Variants in BIVM observed in about 807,000 individuals in gnomAD.
BIVM encodes the protein basic, immunoglobulin-like variable motif containing.
BIVM carries 31 observed loss-of-function variants against 61.4 expected under a neutral mutation model. That is an observed-to-expected ratio of 0.51 (90% CI 0.38 to 0.68). BIVM has a LOEUF of 0.68. BIVM is among the 30% of genes least tolerant of loss of function. BIVM has a pLI of 0.00. For missense variants in BIVM, 526 were observed against 596.0 expected, an observed-to-expected ratio of 0.88 and a Z score of 1.22; for synonymous variants, 189 against 210.7, an observed-to-expected ratio of 0.90 and a Z score of 0.89.
In BIVM at chr13:102,831,534, T is replaced by C. The variant is rs1170977248; in HGVS notation, c.902-31T>C. 8.1e-6 allele frequency: 13 copies of C among 1,613,432 alleles called. No homozygotes were observed. In the East Asian group the frequency reaches 1.8e-4, roughly 22 times the overall value. On this transcript the variant is annotated intron_variant, in intron 7 of 10. Transcript: ENST00000257336. ...AAGCATGGACACTGCTTTATGGGCT[T>C]TCAGTTTGTGTGTTTGTTTGTTTTT...
chr13:102,803,149 C>T (rs1330415152), intron 1 of BIVM, among the ~76,000 whole-genome samples: 1 of 147,792 alleles, frequency 6.8e-6, no homozygotes, highest in East Asian at 2.0e-4. Flanking sequence ...ATAGCAAGAC[C>T]CTGTTTCTTA....
chr13:102,834,433 A>T, intron 8 of BIVM, 33 bp from the exon 9 acceptor site: 1 of 1,576,758 alleles, frequency 6.3e-7, no homozygotes. Flanking sequence ...GGGAGTAACT[A>T]TTAAACGTAC....
intron 3 of BIVM, among the ~76,000 whole-genome samples, chr13:102,814,103 CTG>C: frequency 6.6e-6 from 1 of 151,746 alleles, no homozygotes; most frequent in Non-Finnish European, 1.5e-5. Context: ...GTCTGTCTGT[CTG>C]TGTGTGTGTT....
chr13:102,833,327 G>GGT (rs1555323636), intron 8 of BIVM, among the ~76,000 whole-genome samples: 1 of 79,598 alleles, frequency 1.3e-5, no homozygotes, highest in Admixed American at 1.7e-4. Context: ...GATAGGATGG[G>GGT]TTTTTTTTTT....
intron 7 of BIVM, among the ~76,000 whole-genome samples, chr13:102,823,720 T>A (rs920864316): frequency 2.6e-5 from 4 of 152,118 alleles, no homozygotes; most frequent in Admixed American, 6.5e-5. Flanking sequence ...CTAGTTTGCT[T>A]TTTATACTGC....
Position 102,822,627 on chromosome 13 carries a change from T to C in BIVM, c.901+468T>C, listed in dbSNP as rs1348644049. ...AAATAGACTGTTGAAGTGACAAAGT[T>C]CTGCTATAAAATAGTCTTGTTTATA... On this transcript the variant is annotated intron_variant, in intron 7 of 10. Transcript: ENST00000257336. Among the ~76,000 whole-genome samples the C allele has an allele frequency of 3.3e-5, 5 of 152,346 alleles. No homozygotes were observed. In the East Asian group the frequency reaches 9.6e-4, roughly 29 times the overall value.
At chr13:102,804,045 C>A (rs573219073) in intron 1 of BIVM, among the ~76,000 whole-genome samples, 2 of 152,348 alleles carry the variant, frequency 1.3e-5, no homozygotes, top group African/African-American at 4.8e-5. Context: ...CAAAGTGAAA[C>A]CACAGGAGGT....
chr13:102,807,809 T>A lies in BIVM; in HGVS notation c.478+64T>A. On this transcript the variant is annotated intron_variant, in intron 3 of 10. Coordinates refer to ENST00000257336, the MANE Select transcript of BIVM (RefSeq NM_017693.4). This position sits in a 1 kb window ranked among gnomAD's most constrained non-coding sequence, Gnocchi z 4.0. Reference sequence around the variant, plus strand: ...GAGAAAACAAACACTATGTCTTGTTTAATCTTGCCATTACACATAGTTTCC... The same window carrying A: ...GAGAAAACAAACACTATGTCTTGTTAAATCTTGCCATTACACATAGTTTCC... The A allele has an allele frequency of 6.8e-7, 1 of 1,478,206 alleles. No individual in the cohort carries two copies. The highest frequency in any genetic ancestry group is 9.1e-7 in the Non-Finnish European group (1 of 1,100,282). The allele number at this position is 1,478,206 out of a possible 1,614,324, so 91.6% of individuals were successfully genotyped here. A position where few individuals can be genotyped will look rare whatever the true frequency, so the allele number is the denominator to read the frequency against.
chr13:102,833,610 A>G (rs1881272448), intron 8 of BIVM, among the ~76,000 whole-genome samples: 2 of 152,082 alleles, frequency 1.3e-5, no homozygotes, highest in African/African-American at 4.8e-5. Flanking sequence ...GACGTGAGCC[A>G]CCACACCCAG....
intron 8 of BIVM, 64 bp downstream of exon 8, chr13:102,831,761 A>G (rs372266011): frequency 2.5e-5 from 39 of 1,564,078 alleles, no homozygotes; most frequent in East Asian, 2.3e-5. Context: ...TGGGTGCGGT[A>G]GCTCACGCCT....
chr13:102,809,073 G>A (rs1879304774), intron 3 of BIVM, among the ~76,000 whole-genome samples: 1 of 151,570 alleles, frequency 6.6e-6, no homozygotes, highest in Admixed American at 6.6e-5. Context: ...ACTTACTTTG[G>A]GTTTATTTTG....
intron 4 of BIVM, among the ~76,000 whole-genome samples, chr13:102,817,957 C>G (rs1397399670): frequency 6.6e-6 from 1 of 152,050 alleles, no homozygotes; most frequent in Non-Finnish European, 1.5e-5. Flanking sequence ...TCTTTGTTTT[C>G]CCAAGGTTTA....
rs574196081 is a variant in BIVM at position 102,827,855 on chromosome 13, G to T, written c.902-3710G>T. On this transcript the variant is annotated intron_variant, in intron 7 of 10. Coordinates refer to ENST00000257336, the MANE Select transcript of BIVM (RefSeq NM_017693.4). ...GGTAGGGTGGTTCATGTGTAAAGCA[G>T]ACGTCTCTTCCGTTCTCTCCCATTG... is the stretch of plus-strand genomic sequence containing the variant. Among the ~76,000 whole-genome samples the T allele has an allele frequency of 2.0e-5, 3 of 152,300 alleles. No homozygotes were observed. In the East Asian group the frequency reaches 5.8e-4, roughly 29 times the overall value.
chr13:102,833,777 G>A (rs909946965), intron 8 of BIVM, among the ~76,000 whole-genome samples: 3 of 152,164 alleles, frequency 2.0e-5, no homozygotes, highest in Non-Finnish European at 4.4e-5. Flanking sequence ...GAGCAAGAGG[G>A]AACTCTCTTG....
chr13:102,832,946 T>A (rs1333774569), intron 8 of BIVM, among the ~76,000 whole-genome samples: 2 of 152,018 alleles, frequency 1.3e-5, no homozygotes, highest in Non-Finnish European at 2.9e-5. Flanking sequence ...ACCAGGATGG[T>A]TGAAAGCCAA....
intron 7 of BIVM, among the ~76,000 whole-genome samples, chr13:102,827,816 GAT>G (rs1880779801): frequency 6.6e-6 from 1 of 152,130 alleles, no homozygotes; most frequent in African/African-American, 2.4e-5. Context: ...TATGAATTCT[GAT>G]GGTATTCAGG....
intron 1 of BIVM, among the ~76,000 whole-genome samples, chr13:102,803,777 C>A (rs1878894653): frequency 6.6e-6 from 1 of 151,892 alleles, no homozygotes; most frequent in South Asian, 2.1e-4. Context: ...ACCTCTCTGT[C>A]CACCACACTG....
chr13:102,812,532 G>T (rs998512871), intron 3 of BIVM, among the ~76,000 whole-genome samples: 7 of 152,130 alleles, frequency 4.6e-5, no homozygotes, highest in African/African-American at 1.7e-4. Context: ...TTTAGTTTTT[G>T]TTTTTTGATT....
At chr13:102,832,177 A>C (rs1421410231) in intron 8 of BIVM, among the ~76,000 whole-genome samples, 1 of 152,104 alleles carries the variant, frequency 6.6e-6, no homozygotes, top group Non-Finnish European at 1.5e-5. Flanking sequence ...TATAGGAAAA[A>C]GTCATTTGAA....
Sources: gnomAD v4.1 joint callset for allele counts (sites outside exome capture counted in the v4.1 genomes callset) on GRCh38, gnomAD v4.1.1 for gene constraint, Gnocchi (gnomAD v3.1) non-coding constraint, MANE v1.5 for transcripts, NCBI Gene and HGNC (gene_info 2026-07-23, HGNC 2026-07-21) for gene names.